The following KDM1B variants were observed in gnomAD, a reference collection of about 807,000 sequenced individuals.
KDM1B encodes the protein lysine-specific histone demethylase 2.
In KDM1B, 63 loss-of-function variants were observed where a neutral mutation model predicts 107.4. The ratio of observed to expected loss-of-function variants is 0.59; its 90% CI spans 0.48 to 0.72. The LOEUF (loss-of-function observed/expected upper bound fraction) is 0.72. Among genes scored for constraint, KDM1B ranks in the 30% least tolerant of loss-of-function variants. The probability of loss-of-function intolerance (pLI) is 0.00; values close to 1 mark genes in which losing one functional copy is unlikely to be tolerated. For missense variants in KDM1B, 749 were observed against 1,020.8 expected (o/e 0.73, Z 3.63); for synonymous variants, 363 against 363.9 (o/e 1.00, Z 0.03).
intron 5 of KDM1B, among the ~76,000 whole-genome samples, chr6:18,163,846 G>A (rs1023399865): frequency 6.6e-6 from 1 of 152,128 alleles, no homozygotes; most frequent in African/African-American, 2.4e-5. Context: ...GTAATGTAGT[G>A]TATCTTGGTA....
chr6:18,167,883 C>G (rs1014172181), intron 6 of KDM1B, among the ~76,000 whole-genome samples: 1 of 152,042 alleles, frequency 6.6e-6, no homozygotes, highest in Admixed American at 6.6e-5. Flanking sequence ...CCACCTCAGC[C>G]GGCAGAGCAG....
intron 10 of KDM1B, among the ~76,000 whole-genome samples, chr6:18,192,637 G>A (rs181796270): frequency 6.6e-6 from 1 of 151,934 alleles, no homozygotes; most frequent in African/African-American, 2.4e-5. Flanking sequence ...AAGAGTGGTG[G>A]TGTGGCCCTG....
chr6:18,197,279 A>C lies in KDM1B; in HGVS notation c.1146+46A>C. 1 of 1,530,686 alleles carries C rather than the reference A, an allele frequency of 6.5e-7. No individual in the cohort carries two copies. Among genetic ancestry groups the C allele is most frequent in the Non-Finnish European group, 9.0e-7 (1 of 1,114,810 alleles). The allele number at this position is 1,530,686 out of a possible 1,614,324, so 94.8% of individuals were successfully genotyped here. A position where few individuals can be genotyped will look rare whatever the true frequency, so the allele number is the denominator to read the frequency against. On this transcript the variant is annotated intron_variant, in intron 11 of 21. Coordinates refer to ENST00000650836, the MANE Select transcript of KDM1B (RefSeq NM_001364614.2). This position sits in a 1 kb window ranked among gnomAD's most constrained non-coding sequence, Gnocchi z 4.5. The stretch of plus-strand genomic sequence containing the variant: ...CGATAGCCTTGCCATTGATCAGGAC[A>C]AACGCTAGTCTGTTGCTGTTAATAA...
At chr6:18,198,002 C>T (rs149947750) in intron 12 of KDM1B, among the ~76,000 whole-genome samples, 4,122 of 151,174 alleles carry the variant, frequency 0.027, 83 homozygotes, top group Non-Finnish European at 0.041. Flanking sequence ...CTCAGCTCAC[C>T]GCAACCTCTG....
In KDM1B at chr6:18,214,365, G is replaced by GT. The variant is rs1184273285; in HGVS notation, c.2109+591dup. 6.6e-6 allele frequency among the ~76,000 whole-genome samples: 1 copy of GT among 152,052 alleles called. No homozygotes were observed. The highest frequency in any genetic ancestry group is 2.4e-5 in the African/African-American group (1 of 41,412). ...GGGCAGATTTTCTTTACCATTTGAG[G>GT]TTTTTTTATTTTTCATTGTTTTATC... On this transcript the variant is annotated intron_variant, in intron 19 of 21. Transcript: ENST00000650836. This position sits in a 1 kb window ranked among gnomAD's most constrained non-coding sequence, Gnocchi z 4.4.
At chr6:18,199,775 G>T (rs1476173202) in intron 12 of KDM1B, among the ~76,000 whole-genome samples, 1 of 150,050 alleles carries the variant, frequency 6.7e-6, no homozygotes, top group Non-Finnish European at 1.5e-5. Context: ...ATTTTGCTAT[G>T]TAGATATTTC....
At position 18,208,798 on chromosome 6, in the gene KDM1B, T is replaced by C. The variant is rs538509190; in HGVS notation, c.1866+592T>C. ...TAGCTGGGACTACAGGCACCCGCCA[T>C]CACGCCTGGCTAATTTTTTTTTTTT... On this transcript the variant is annotated intron_variant, in intron 17 of 21. Coordinates refer to ENST00000650836, the MANE Select transcript of KDM1B (RefSeq NM_001364614.2). Among the ~76,000 whole-genome samples, 729 of 144,732 alleles carry C rather than the reference T, an allele frequency of 5.0e-3. 1 individual carries two copies. Among genetic ancestry groups the C allele is most frequent in the Non-Finnish European group, 7.5e-3 (498 of 66,078 alleles). 94.9% of individuals were successfully genotyped at this position (144,732 alleles called of 152,430 possible). A position where few individuals can be genotyped will look rare whatever the true frequency, so the allele number is the denominator to read the frequency against.
intron 21 of KDM1B, among the ~76,000 whole-genome samples, chr6:18,219,275 T>C (rs555829112): frequency 6.6e-6 from 1 of 152,330 alleles, no homozygotes; most frequent in Non-Finnish European, 1.5e-5. Flanking sequence ...GATTTACTTC[T>C]GTTGAAAAAT....
chr6:18,212,706 T>G lies in KDM1B; in HGVS notation c.1983+102T>G. Reference sequence around the variant, plus strand: ...GTAGTGGGTACTATCTAAATACAAATAAAACTCAAGGATTTCCTTTTCATT... The same window carrying G: ...GTAGTGGGTACTATCTAAATACAAAGAAAACTCAAGGATTTCCTTTTCATT... On this transcript the variant is annotated intron_variant, in intron 18 of 21. Transcript: ENST00000650836. This position sits in a 1 kb window ranked among gnomAD's most constrained non-coding sequence, Gnocchi z 5.2. 1.3e-6 allele frequency: 1 copy of G among 771,642 alleles called. No homozygotes were observed. Among genetic ancestry groups the G allele is most frequent in the South Asian group, 1.5e-5 (1 of 67,794 alleles). 47.8% of individuals were successfully genotyped at this position (771,642 alleles called of 1,614,324 possible).
chr6:18,184,639 G>T (rs1156996192), intron 7 of KDM1B, among the ~76,000 whole-genome samples: 2 of 146,998 alleles, frequency 1.4e-5, no homozygotes, highest in Non-Finnish European at 3.0e-5. Context: ...GTCATAGTTT[G>T]TTCTCATTGC....
chr6:18,206,495 C>T (rs1788382230), intron 15 of KDM1B, among the ~76,000 whole-genome samples: 1 of 152,042 alleles, frequency 6.6e-6, no homozygotes, highest in African/African-American at 2.4e-5. Context: ...GCTGCCTGGG[C>T]GATAGAGTGA....
intron 10 of KDM1B, among the ~76,000 whole-genome samples, chr6:18,196,437 C>T (rs1443066700): frequency 2.0e-5 from 3 of 152,098 alleles, no homozygotes; most frequent in Admixed American, 6.5e-5. Flanking sequence ...ATGTACATTC[C>T]ACCAACAGTG....
intron 6 of KDM1B, among the ~76,000 whole-genome samples, chr6:18,169,728 GTTTAC>G (rs1279268994): frequency 1.3e-5 from 2 of 151,982 alleles, no homozygotes; most frequent in Non-Finnish European, 2.9e-5. Flanking sequence ...GGTCATAAAG[GTTTAC>G]TTTCTTTTCT....
chr6:18,199,335 C>T (rs1406994989), intron 12 of KDM1B, among the ~76,000 whole-genome samples: 7 of 152,126 alleles, frequency 4.6e-5, no homozygotes, highest in Non-Finnish European at 1.0e-4. Context: ...CCGCCCCATC[C>T]CCAAGTGATG....
At chr6:18,170,884 G>A (rs528982668) in intron 6 of KDM1B, among the ~76,000 whole-genome samples, 67 of 150,914 alleles carry the variant, frequency 4.4e-4, no homozygotes, top group Non-Finnish European at 8.0e-4. Flanking sequence ...GTAGTGGTGC[G>A]ATCTCGGCTC....
At chr6:18,185,114 C>T (rs1273265649) in intron 7 of KDM1B, among the ~76,000 whole-genome samples, 1 of 152,154 alleles carries the variant, frequency 6.6e-6, no homozygotes, top group East Asian at 1.9e-4. Flanking sequence ...AAGAGTCTCT[C>T]TCTGGAAAAT....
At chr6:18,176,086 C>T (rs1251754219) in intron 7 of KDM1B, among the ~76,000 whole-genome samples, 1 of 152,058 alleles carries the variant, frequency 6.6e-6, no homozygotes, top group Non-Finnish European at 1.5e-5. Flanking sequence ...TTGATTCTAC[C>T]CATCCGTGAG....
Position 18,222,165 on chromosome 6 carries a change from C to A in KDM1B, c.*173C>A, listed in dbSNP as rs376235303. 4.4e-4 allele frequency: 317 copies of A among 712,964 alleles called. 1 individual carries two copies. Among genetic ancestry groups the A allele is most frequent in the South Asian group, 3.7e-3 (251 of 67,388 alleles). 44.2% of individuals were successfully genotyped at this position (712,964 alleles called of 1,614,324 possible). ...TTCATCACTCTAAAAGCACTGACCT[C>A]AAAAAACCTTATAAGCACTTAGATT... On this transcript the variant is annotated 3_prime_UTR_variant, in exon 22 of 22. Transcript: ENST00000650836.
At chr6:18,206,482 A>T (rs776025903) in intron 15 of KDM1B, among the ~76,000 whole-genome samples, 1 of 152,218 alleles carries the variant, frequency 6.6e-6, no homozygotes, top group Admixed American at 6.5e-5. Context: ...GTGCTACCAC[A>T]CTGCTGCCTG....
Sources: gnomAD v4.1 joint callset for allele counts (sites outside exome capture counted in the v4.1 genomes callset) on GRCh38, gnomAD v4.1.1 for gene constraint, Gnocchi (gnomAD v3.1) non-coding constraint, MANE v1.5 for transcripts, NCBI Gene and HGNC (gene_info 2026-07-23, HGNC 2026-07-21) for gene names.